ERCC6: variants seen among roughly 807,000 people sequenced by gnomAD.
The protein encoded by ERCC6 is ERCC excision repair 6, chromatin remodeling factor.
A neutral mutation model predicts 158.7 loss-of-function variants in ERCC6; 116 were observed. The ratio of observed to expected loss-of-function variants is 0.73; its 90% CI spans 0.63 to 0.85. ERCC6 has a LOEUF of 0.85. Among genes scored for constraint, ERCC6 ranks in the 40% least tolerant of loss-of-function variants. The probability of loss-of-function intolerance (pLI) is 0.00; values close to 1 mark genes in which losing one functional copy is unlikely to be tolerated. For synonymous variants in ERCC6, 678 were observed against 659.3 expected (o/e 1.03, Z -0.43); for missense variants, 1,698 against 1,799.4 (o/e 0.94, Z 1.02).
intron 10 of ERCC6, among the ~76,000 whole-genome samples, chr10:49,478,934 G>T (rs2132547528): frequency 6.6e-6 from 1 of 152,112 alleles, no homozygotes; most frequent in East Asian, 1.9e-4. Context: ...CTGGGGAAAA[G>T]CTACAGTGAT....
At position 49,482,875 on chromosome 10, in the gene ERCC6, A is replaced by G. The variant is rs751115103; in HGVS notation, c.1993-12T>C. 7.4e-6 allele frequency: 12 copies of G among 1,613,996 alleles called. No individual in the cohort carries two copies. The highest frequency in any genetic ancestry group is 1.0e-5 in the Non-Finnish European group (12 of 1,179,986). ...TGAGGGGTGCGAAACTATTTGAGGAAAGGAAGCACCTTTTTATTAAATTTA... is the reference window on the plus strand; with the variant it reads ...TGAGGGGTGCGAAACTATTTGAGGAGAGGAAGCACCTTTTTATTAAATTTA... On this transcript the variant is annotated splice_polypyrimidine_tract_variant and intron_variant, in intron 9 of 20. Transcript: ENST00000355832.
chr10:49,492,468 T>G (rs1851191807), intron 8 of ERCC6, among the ~76,000 whole-genome samples: 1 of 152,072 alleles, frequency 6.6e-6, no homozygotes, highest in Admixed American at 6.6e-5. Context: ...CAGTCCCTAC[T>G]CAACAGAGCT....
intron 4 of ERCC6, among the ~76,000 whole-genome samples, chr10:49,526,116 T>TA (rs1262281129): frequency 0.035 from 522 of 14,894 alleles, 2 homozygotes; most frequent in Non-Finnish European, 0.05. Context: ...TTTATATATT[T>TA]TTATATATAT....
chr10:49,435,542 T>G, the ERCC6 span, among the ~76,000 whole-genome samples: 73 of 152,320 alleles, frequency 4.8e-4, no homozygotes, highest in African/African-American at 1.6e-3. Context: ...GCAAATGTAT[T>G]TGAAAATTCA....
chr10:49,468,340 A>G (rs1220884984), intron 18 of ERCC6, among the ~76,000 whole-genome samples: 1 of 152,014 alleles, frequency 6.6e-6, no homozygotes, highest in African/African-American at 2.4e-5. Flanking sequence ...GTCTGCCTGG[A>G]CTCCCATCTG....
intron 10 of ERCC6, among the ~76,000 whole-genome samples, chr10:49,478,889 AG>A (rs537145311): frequency 7.9e-5 from 12 of 152,220 alleles, no homozygotes; most frequent in Non-Finnish European, 1.5e-4. Context: ...AAAGCTACAA[AG>A]GAACTCTGCA....
At position 49,537,532 on chromosome 10, in the gene ERCC6, C is replaced by G. The variant is rs1444529259; in HGVS notation, c.-15+1430G>C. Among the ~76,000 whole-genome samples, 3 of 151,436 alleles carry G rather than the reference C, an allele frequency of 2.0e-5. No individual in the cohort carries two copies. The East Asian group carries it at 5.8e-4, about 29-fold the overall frequency. On this transcript the variant is annotated intron_variant, in intron 1 of 20. Transcript: ENST00000355832. ...ATACACACACACACACACACACACA[C>G]ACAAATATAATTGTGGTGACTGCTG...
Position 49,515,485 on chromosome 10 carries a change from T to C in ERCC6, c.1397+8548A>G, listed in dbSNP as rs1317320388. On this transcript the variant is annotated intron_variant, in intron 5 of 20. Coordinates refer to ENST00000355832, the MANE Select transcript of ERCC6 (RefSeq NM_000124.4). ...TTTATGCCATCATAACGTGAGTCAA[T>C]GTTACGCTTCTGAGGTCTTCCTTTT... The C allele has an allele frequency of 5.0e-6, 8 of 1,614,184 alleles. 1 individual carries two copies. The South Asian group carries it at 7.7e-5, about 16-fold the overall frequency.
At chr10:49,450,339 A>G (rs1850406413), downstream of ERCC6, among the ~76,000 whole-genome samples, 1 of 33,654 alleles carries the variant, frequency 3.0e-5, no homozygotes, top group Non-Finnish European at 6.1e-5. Context: ...TTCTGGAATC[A>G]CCATTTTTTA....
Position 49,457,503 on chromosome 10 carries a change from C to T in ERCC6, c.*1312G>A, listed in dbSNP as rs1411377739. On this transcript the variant is annotated 3_prime_UTR_variant, in exon 21 of 21. Transcript: ENST00000355832. ...GCAAGGCCCCCCTGCCCAGAACCCTCCTCTCTGAGTCACATGGATGAGCAG... is the reference window on the plus strand; with the variant it reads ...GCAAGGCCCCCCTGCCCAGAACCCTTCTCTCTGAGTCACATGGATGAGCAG... 2.6e-5 allele frequency: 4 copies of T among 152,322 alleles called. No individual in the cohort carries two copies. The highest frequency in any genetic ancestry group is 9.6e-5 in the African/African-American group (4 of 41,556). 9.4% of individuals were successfully genotyped at this position (152,322 alleles called of 1,614,324 possible). A position where few individuals can be genotyped will look rare whatever the true frequency, so the allele number is the denominator to read the frequency against.
chr10:49,537,718 A>T (rs895523927), intron 1 of ERCC6, among the ~76,000 whole-genome samples: 6 of 146,284 alleles, frequency 4.1e-5, no homozygotes, highest in Admixed American at 6.8e-5. Flanking sequence ...AACGTGTGAA[A>T]TTTTTTTTTT....
chr10:49,449,701 G>A (rs975023665), downstream of ERCC6, among the ~76,000 whole-genome samples: 12 of 146,748 alleles, frequency 8.2e-5, no homozygotes, highest in African/African-American at 2.3e-4. Flanking sequence ...ACAGGTGCAC[G>A]CCACCACGCC....
intron 19 of ERCC6, 137 bp from the exon 20 acceptor site, chr10:49,460,588 T>C: frequency 1.4e-6 from 1 of 710,594 alleles, no homozygotes; most frequent in South Asian, 1.5e-5. Flanking sequence ...ATGCCATTTC[T>C]GCTCTATCCC....
chr10:49,523,215 T>TA (rs535176880), intron 5 of ERCC6, among the ~76,000 whole-genome samples: 280 of 152,312 alleles, frequency 1.8e-3, no homozygotes, highest in African/African-American at 6.2e-3. Flanking sequence ...TCCTTAGAGC[T>TA]AAGTGAGCTC....
At chr10:49,475,268 T>C (rs1295317670) in intron 12 of ERCC6, 1 of 300,560 alleles carries the variant, frequency 3.3e-6, no homozygotes, top group Non-Finnish European at 6.6e-6. Context: ...AATTTTTGAT[T>C]ACATATTAAA....
At chr10:49,461,766 T>C (rs532799236) in intron 18 of ERCC6, among the ~76,000 whole-genome samples, 1 of 152,300 alleles carries the variant, frequency 6.6e-6, no homozygotes, top group Admixed American at 6.5e-5. Flanking sequence ...AACCTTCCTA[T>C]TTACAAACAA....
intron 12 of ERCC6, chr10:49,475,396 T>C (rs1208517973): frequency 2.2e-6 from 1 of 447,292 alleles, no homozygotes; most frequent in South Asian, 1.6e-5. Flanking sequence ...TTGCATTCCC[T>C]TTCCTGGATA....
At chr10:49,473,967 G>T in intron 13 of ERCC6, 60 bp downstream of exon 13, 1 of 1,433,058 alleles carries the variant, frequency 7.0e-7, no homozygotes. Context: ...ATCCCATTTT[G>T]TGAGTTGATG....
intron 5 of ERCC6, among the ~76,000 whole-genome samples, chr10:49,518,443 C>T (rs1837050854): frequency 6.6e-6 from 1 of 152,230 alleles, no homozygotes; most frequent in African/African-American, 2.4e-5. Context: ...AAAGTCCTAT[C>T]TCCTGGGTGG....
Sources: allele counts gnomAD v4.1 joint callset (sites outside exome capture counted in the v4.1 genomes callset), GRCh38; gene constraint gnomAD v4.1.1; transcripts MANE v1.5; gene names NCBI Gene and HGNC (gene_info 2026-07-23, HGNC 2026-07-21).